OR4E2: variants seen among roughly 807,000 people sequenced by gnomAD.
OR4E2 encodes olfactory receptor 4E2.
Under a neutral mutation model 11.0 loss-of-function variants are expected in OR4E2, and 9 were observed. That is an observed-to-expected ratio of 0.82 (90% CI 0.49 to 1.43). OR4E2 has a LOEUF of 1.43. OR4E2 is among the 40% of genes most tolerant of loss of function. The pLI, the probability that OR4E2 is intolerant of heterozygous loss-of-function variation, is 0.00. For missense variants in OR4E2, 441 were observed against 382.0 expected (o/e 1.15, Z -1.29); for synonymous variants, 159 against 147.3 (o/e 1.08, Z -0.57).
In OR4E2 at chr14:21,665,783, G is replaced by A. The variant is rs970382; in HGVS notation, c.701G>A (p.Arg234Gln). ...CGAAAACACTCAGCTGAAGGGCGCC[G>A]GAAAGCCCTGTCTACCTGCTCGGCC... ...SLRKHSAEGR[R>Q]KALSTCSAHF... The change falls in exon 4 of 4, where the codon CGG becomes CAG. Residue 234 changes from arginine to glutamine, a missense_variant. By Grantham distance (43) the Arg-to-Gln change is conservative. Coordinates refer to ENST00000641524, the MANE Select transcript of OR4E2 (RefSeq NM_001001912.3). The A allele has an allele frequency of 0.2, 326,570 of 1,613,722 alleles. 38,361 individuals carry two copies. Among genetic ancestry groups the A allele is most frequent in the East Asian group, 0.46 (20,793 of 44,844 alleles).
intron 2 of OR4E2, among the ~76,000 whole-genome samples, chr14:21,657,834 C>A (rs1329312068): frequency 6.6e-6 from 1 of 152,154 alleles, no homozygotes; most frequent in Admixed American, 6.5e-5. Flanking sequence ...AGGTGATCCA[C>A]CCCCTCGGCC....
At chr14:21,656,339 G>A (rs1273499349) in intron 1 of OR4E2, among the ~76,000 whole-genome samples, 163 bp from the exon 2 acceptor site, 1 of 152,022 alleles carries the variant, frequency 6.6e-6, no homozygotes, top group African/African-American at 2.4e-5. Context: ...CAGCCTAGGT[G>A]ACAGAGTGAG....
intron 2 of OR4E2, among the ~76,000 whole-genome samples, chr14:21,657,387 TTTCTTTCTTCCTTCCTTC>T (rs1880020235): frequency 7.9e-6 from 1 of 126,620 alleles, no homozygotes; most frequent in South Asian, 2.6e-4. Context: ...CCTTCCTTCC[TTTCTTTCTTCCTTCCTTC>T]CTTTCTTTCT....
At chr14:21,658,427 T>C (rs1159843148) in intron 2 of OR4E2, among the ~76,000 whole-genome samples, 2 of 152,196 alleles carry the variant, frequency 1.3e-5, no homozygotes, top group African/African-American at 4.8e-5. Flanking sequence ...AACACGATAA[T>C]GGTCTACTGT....
rs201851527 is a variant in OR4E2 at position 21,665,575 on chromosome 14, C to T, written c.493C>T (p.Arg165Cys). The T allele has an allele frequency of 4.1e-5, 66 of 1,613,890 alleles. No homozygotes were observed. In the African/African-American group the frequency reaches 6.0e-4, roughly 15 times the overall value. ...ACTAGGGCAGACCTTCTTGACTATT[C>T]GTCTACCTTACTGTGGCCCCAACAT... is the stretch of plus-strand genomic sequence containing the variant. ...HSLGQTFLTI[R>C]LPYCGPNIID... The change falls in exon 4 of 4, where the codon CGT (arginine) becomes TGT (cysteine). Residue 165 changes from arginine to cysteine, a missense_variant. Transcript: ENST00000641524.
rs757376176 is a variant in OR4E2 at position 21,665,086 on chromosome 14, G to A, written c.4G>A (p.Asp2Asn). 2 of 1,587,496 alleles carry A rather than the reference G, an allele frequency of 1.3e-6. No individual in the cohort carries two copies. Among genetic ancestry groups the A allele is most frequent in the Non-Finnish European group, 1.7e-6 (2 of 1,162,074 alleles). ...TTTTCCCCCCTAAGCTCATTGAATG[G>A]ACAGTCTAAACCAAACAAGAGTGAC... M[D>N]SLNQTRVTEF... Residue 2 changes from aspartate (D) to asparagine (N), a missense_variant, in exon 4 of 4, where the codon GAC becomes AAC. By Grantham distance (23) the Asp-to-Asn change is conservative (BLOSUM62 1). Coordinates refer to ENST00000641524, the MANE Select transcript of OR4E2 (RefSeq NM_001001912.3).
At chr14:21,662,623 G>A (rs1880394702) in intron 3 of OR4E2, among the ~76,000 whole-genome samples, 1 of 152,004 alleles carries the variant, frequency 6.6e-6, no homozygotes, top group South Asian at 2.1e-4. Flanking sequence ...TTAAATTATT[G>A]AGAAAGTTTA....
In OR4E2 at chr14:21,665,199, T is replaced by G. The variant is rs1880564632; in HGVS notation, c.117T>G (p.Leu39=). ...TCTCAGCCATTTATATGCTAACGCT[T>G]TCGGGGAACATTCTCATCATCATTG... is the stretch of plus-strand genomic sequence containing the variant. ...MAFSAIYMLT[L]SGNILIIIAT... is the part of the protein sequence containing the mutation. Residue 39 remains leucine (L), a synonymous_variant, in exon 4 of 4, where the codon CTT becomes CTG. Coordinates refer to ENST00000641524, the MANE Select transcript of OR4E2 (RefSeq NM_001001912.3). The G allele has an allele frequency of 2.5e-6, 4 of 1,613,964 alleles. No individual in the cohort carries two copies. Among genetic ancestry groups the G allele is most frequent in the Non-Finnish European group, 3.4e-6 (4 of 1,179,892 alleles).
chr14:21,655,439 A>G (rs1029013666), intron 1 of OR4E2, among the ~76,000 whole-genome samples: 2 of 152,196 alleles, frequency 1.3e-5, no homozygotes, highest in African/African-American at 4.8e-5. Context: ...CTGAAGTGGG[A>G]GGATAGCTTG....
intron 3 of OR4E2, 108 bp from the exon 4 acceptor site, chr14:21,664,967 A>G (rs1880546247): frequency 3.1e-6 from 2 of 650,112 alleles, no homozygotes; most frequent in East Asian, 2.7e-5. Flanking sequence ...CATAAGCTAT[A>G]TGCTCTGATG....
chr14:21,654,774 C>T (rs144640657), intron 1 of OR4E2, among the ~76,000 whole-genome samples: 2 of 136,588 alleles, frequency 1.5e-5, no homozygotes, highest in African/African-American at 6.0e-5. Flanking sequence ...GAGAGAGAGT[C>T]AGAGATAGCT....
intron 2 of OR4E2, among the ~76,000 whole-genome samples, chr14:21,657,790 A>G (rs1566582517): frequency 6.6e-6 from 1 of 151,938 alleles, no homozygotes; most frequent in African/African-American, 2.4e-5. Flanking sequence ...GGGTTTCTCC[A>G]TGTTGGCCAG....
rs1399106576 is a variant in OR4E2, at chr14:21,665,847, C to T, written c.765C>T (p.Ile255=). Residue 255 remains isoleucine, a synonymous_variant, in exon 4 of 4, where the codon ATC becomes ATT. Coordinates refer to ENST00000641524, the MANE Select transcript of OR4E2 (RefSeq NM_001001912.3). ...TTGCCCTCTTCTTTGGGCCATGTAT[C>T]TTCATCTATACTCGGCCAGACACCA... ...MVVALFFGPC[I]FIYTRPDTSF... is the part of the protein sequence containing the mutation. 6.2e-7 allele frequency: 1 copy of T among 1,610,780 alleles called. No homozygotes were observed. The highest frequency in any genetic ancestry group is 8.5e-7 in the Non-Finnish European group (1 of 1,178,316).
chr14:21,663,279 A>G (rs1880436066), intron 3 of OR4E2, among the ~76,000 whole-genome samples: 1 of 152,084 alleles, frequency 6.6e-6, no homozygotes, highest in Non-Finnish European at 1.5e-5. Flanking sequence ...GGAGATTGAG[A>G]CCACCCTGGC....
intron 1 of OR4E2, among the ~76,000 whole-genome samples, chr14:21,655,663 ACT>A (rs1879901887): frequency 6.6e-6 from 1 of 152,108 alleles, no homozygotes; most frequent in Non-Finnish European, 1.5e-5. Flanking sequence ...ACAGAGCAAG[ACT>A]CTGTCCCTAA....
chr14:21,661,191 CTAA>C (rs1880302160), intron 3 of OR4E2, among the ~76,000 whole-genome samples: 1 of 152,036 alleles, frequency 6.6e-6, no homozygotes, highest in Admixed American at 6.6e-5. Flanking sequence ...CTAGAATTAA[CTAA>C]TGTTAAAATT....
chr14:21,655,789 T>C (rs1217817256), intron 1 of OR4E2, among the ~76,000 whole-genome samples: 5 of 152,160 alleles, frequency 3.3e-5, no homozygotes, highest in African/African-American at 1.2e-4. Flanking sequence ...ATACTTTTTT[T>C]CTATAAAAAA....
Position 21,657,541 on chromosome 14 carries a change from C to T in OR4E2, c.-103+952C>T, listed in dbSNP as rs1363835210. On this transcript the variant is annotated intron_variant, in intron 2 of 3. Transcript: ENST00000641524. ...TTTTTCTTTCTTTCTTTCTTTCTTTCTTTTTCTGTCTGTCTCTCTCTCTCT... is the reference window on the plus strand; with the variant it reads ...TTTTTCTTTCTTTCTTTCTTTCTTTTTTTTTCTGTCTGTCTCTCTCTCTCT... Among the ~76,000 whole-genome samples, 5 of 98,532 alleles carry T rather than the reference C, an allele frequency of 5.1e-5. No individual in the cohort carries two copies. The South Asian group carries it at 1.2e-3, about 23-fold the overall frequency. 64.6% of individuals were successfully genotyped at this position (98,532 alleles called of 152,430 possible).
chr14:21,656,690 C>T (rs1375200355), intron 2 of OR4E2, 101 bp downstream of exon 2: 1 of 152,126 alleles, frequency 6.6e-6, no homozygotes, highest in African/African-American at 2.4e-5. Context: ...CAAGACTTGT[C>T]TGATATGTCA....
Sources: allele counts gnomAD v4.1 joint callset (sites outside exome capture counted in the v4.1 genomes callset), GRCh38; gene constraint gnomAD v4.1.1; transcripts MANE v1.5; gene names NCBI Gene and HGNC (gene_info 2026-07-23, HGNC 2026-07-21).